CXCL3: variants seen among roughly 807,000 people sequenced by gnomAD.
The protein encoded by CXCL3 is C-X-C motif chemokine ligand 3.
CXCL3 carries 10 observed loss-of-function variants against 11.5 expected under a neutral mutation model. The ratio of observed to expected loss-of-function variants is 0.87; its 90% CI spans 0.54 to 1.48. The LOEUF (loss-of-function observed/expected upper bound fraction) is 1.48, where lower values mean the gene tolerates loss of function less well. Among genes scored for constraint, CXCL3 ranks in the 40% most tolerant of loss-of-function variants. CXCL3 has a pLI of 0.00. For synonymous variants in CXCL3, 61 were observed against 60.9 expected (o/e 1.00, Z -0.01); for missense variants, 149 against 139.1 (o/e 1.07, Z -0.36).
intron 3 of CXCL3, chr4:74,037,691 C>G: frequency 3.3e-6 from 1 of 300,270 alleles, no homozygotes; most frequent in Non-Finnish European, 6.3e-6. Context: ...GGTGTTACTG[C>G]AAAGTTTCTG....
Position 74,036,731 on chromosome 4 carries a change from C to T in CXCL3, c.*531G>A, listed in dbSNP as rs973233033. 3.9e-5 allele frequency: 6 copies of T among 152,226 alleles called. No individual in the cohort carries two copies. Among genetic ancestry groups the T allele is most frequent in the Admixed American group, 3.3e-4 (5 of 15,292 alleles). 9.4% of individuals were successfully genotyped at this position (152,226 alleles called of 1,614,324 possible). On this transcript the variant is annotated 3_prime_UTR_variant, in exon 4 of 4. Coordinates refer to ENST00000296026, the MANE Select transcript of CXCL3 (RefSeq NM_002090.3). The stretch of plus-strand genomic sequence containing the variant: ...GCCCTACAAGCAAGACATAAAATGT[C>T]TAAGGGAAACTTCAGCATAAAAATG...
intron 3 of CXCL3, 156 bp from the exon 4 acceptor site, chr4:74,037,433 T>C: frequency 1.7e-6 from 1 of 580,072 alleles, no homozygotes; most frequent in Admixed American, 3.3e-5. Flanking sequence ...AGCAGAAAAC[T>C]TGCACTCCTG....
Position 74,037,249 on chromosome 4 carries a change from T to A in CXCL3, c.*13A>T. ...GTCAATGATACGCTGATAAGCTTCT[T>A]ACTTCTCTCCTGTCAGTTGGTGCTC... On this transcript the variant is annotated 3_prime_UTR_variant, in exon 4 of 4. Transcript: ENST00000296026. The A allele has an allele frequency of 6.2e-7, 1 of 1,614,102 alleles. No homozygotes were observed. Among genetic ancestry groups the A allele is most frequent in the Non-Finnish European group, 8.5e-7 (1 of 1,179,974 alleles).
intron 3 of CXCL3, 148 bp from the exon 4 acceptor site, chr4:74,037,425 CA>C: frequency 1.6e-6 from 1 of 622,142 alleles, no homozygotes; most frequent in Non-Finnish European, 2.6e-6. Context: ...CCTTCTATAG[CA>C]GAAAACTTGC....
chr4:74,038,654 G>C lies in CXCL3; in HGVS notation c.-43C>G. On this transcript the variant is annotated 5_prime_UTR_variant, in exon 1 of 4. Transcript: ENST00000296026. Reference sequence around the variant, plus strand: ...TCGGGAAGCTGTGCGAGAAGCGGGAGAGCTGGCGGGGAGGTGCCTGCGACC... The same window carrying C: ...TCGGGAAGCTGTGCGAGAAGCGGGACAGCTGGCGGGGAGGTGCCTGCGACC... 5.1e-6 allele frequency: 7 copies of C among 1,386,008 alleles called. No homozygotes were observed. The highest frequency in any genetic ancestry group is 6.5e-6 in the Non-Finnish European group (7 of 1,077,888). The allele number at this position is 1,386,008 out of a possible 1,614,324, so 85.9% of individuals were successfully genotyped here. A position where few individuals can be genotyped will look rare whatever the true frequency, so the allele number is the denominator to read the frequency against.
At chr4:74,037,966 A>G in intron 3 of CXCL3, 127 bp downstream of exon 3, 2 of 998,838 alleles carry the variant, frequency 2.0e-6, no homozygotes, top group South Asian at 3.0e-5. Flanking sequence ...AATTGTGAAA[A>G]TAATAATCAC....
intron 3 of CXCL3, 98 bp from the exon 4 acceptor site, chr4:74,037,375 C>A: frequency 7.0e-7 from 1 of 1,434,542 alleles, no homozygotes; most frequent in South Asian, 1.2e-5. Flanking sequence ...CAGACTCTCT[C>A]CCAGCCCTCC....
Position 74,037,174 on chromosome 4 carries a change from T to A in CXCL3, c.*88A>T. The A allele has an allele frequency of 6.7e-7, 1 of 1,501,780 alleles. No homozygotes were observed. Among genetic ancestry groups the A allele is most frequent in the Non-Finnish European group, 9.2e-7 (1 of 1,084,262 alleles). The allele number at this position is 1,501,780 out of a possible 1,614,324, so 93.0% of individuals were successfully genotyped here. ...AGCTGTCCCTAGAAAGCTGCTGTTC[T>A]CTTTTTCATTTTCAGCTCTGGTAAG... is the stretch of plus-strand genomic sequence containing the variant. On this transcript the variant is annotated 3_prime_UTR_variant, in exon 4 of 4. Coordinates refer to ENST00000296026, the MANE Select transcript of CXCL3 (RefSeq NM_002090.3).
chr4:74,037,725 G>A, intron 3 of CXCL3: 1 of 306,656 alleles, frequency 3.3e-6, no homozygotes, highest in Admixed American at 5.0e-5. Context: ...AGGCTTACAG[G>A]CCCAAAGTGC....
In CXCL3 at chr4:74,037,170, G is replaced by C. The variant is rs1720010888; in HGVS notation, c.*92C>G. 6.8e-7 allele frequency: 1 copy of C among 1,459,946 alleles called. No homozygotes were observed. The highest frequency in any genetic ancestry group is 9.6e-7 in the Non-Finnish European group (1 of 1,046,872). The allele number at this position is 1,459,946 out of a possible 1,614,324, so 90.4% of individuals were successfully genotyped here. ...TTCCAGCTGTCCCTAGAAAGCTGCT[G>C]TTCTCTTTTTCATTTTCAGCTCTGG... is the stretch of plus-strand genomic sequence containing the variant. On this transcript the variant is annotated 3_prime_UTR_variant, in exon 4 of 4. Coordinates refer to ENST00000296026, the MANE Select transcript of CXCL3 (RefSeq NM_002090.3).
At chr4:74,037,852 AC>A in intron 3 of CXCL3, 1 of 486,162 alleles carries the variant, frequency 2.1e-6, no homozygotes, top group Non-Finnish European at 3.6e-6. Context: ...TATTCTAGAA[AC>A]CCACATTTAC....
At position 74,038,147 on chromosome 4, in the gene CXCL3, C is replaced by A; in HGVS notation, c.254G>T (p.Cys85Phe). 1 of 1,614,094 alleles carries A rather than the reference C, an allele frequency of 6.2e-7. No homozygotes were observed. The highest frequency in any genetic ancestry group is 8.5e-7 in the Non-Finnish European group (1 of 1,180,010). ...IATLKNGKKA[C>F]LNPASPMVQK... ...AACCATGGGGGATGCGGGGTTGAGACAAGCTTTCTTCCCATTCTTGAGTGT... is the reference window on the plus strand; with the variant it reads ...AACCATGGGGGATGCGGGGTTGAGAAAAGCTTTCTTCCCATTCTTGAGTGT... Residue 85 changes from cysteine (C) to phenylalanine (F), a missense_variant, in exon 3 of 4, where the codon TGT becomes TTT. By Grantham distance (205) the Cys-to-Phe change is radical. Transcript: ENST00000296026.
In CXCL3 at chr4:74,038,039, A is replaced by G. The variant is rs1484741731; in HGVS notation, c.308+54T>C. 4.5e-6 allele frequency: 7 copies of G among 1,570,122 alleles called. No individual in the cohort carries two copies. The African/African-American group carries it at 8.1e-5, about 18-fold the overall frequency. On this transcript the variant is annotated intron_variant, in intron 3 of 3. Transcript: ENST00000296026. ...ATTTTATTTTTAGGGGGCAGATGCCAGTATTTCTGACCAACGGCTCCAGTC... is the reference window on the plus strand; with the variant it reads ...ATTTTATTTTTAGGGGGCAGATGCCGGTATTTCTGACCAACGGCTCCAGTC...
chr4:74,038,240 G>C (rs763480618), intron 2 of CXCL3, 50 bp downstream of exon 2: 1 of 1,613,814 alleles, frequency 6.2e-7, no homozygotes, highest in African/African-American at 1.3e-5. Context: ...GGGGCAGCGG[G>C]AGAGTCGGGG....
rs535834853 is a variant in CXCL3 at position 74,037,237 on chromosome 4, T to A, written c.*25A>T. 1.9e-6 allele frequency: 3 copies of A among 1,613,938 alleles called. No homozygotes were observed. Among genetic ancestry groups the A allele is most frequent in the Non-Finnish European group, 2.5e-6 (3 of 1,179,938 alleles). On this transcript the variant is annotated 3_prime_UTR_variant, in exon 4 of 4. Coordinates refer to ENST00000296026, the MANE Select transcript of CXCL3 (RefSeq NM_002090.3). ...CCTGCAGGAAGTGTCAATGATACGC[T>A]GATAAGCTTCTTACTTCTCTCCTGT...
chr4:74,037,407 AC>A, intron 3 of CXCL3, 130 bp from the exon 4 acceptor site: 1 of 944,852 alleles, frequency 1.1e-6, no homozygotes, highest in African/African-American at 1.7e-5. Flanking sequence ...GTCTGTCTGT[AC>A]CCACTGCCTT....
rs1255137391 is a variant in CXCL3 at position 74,037,294 on chromosome 4, G to A, written c.309-17C>T. On this transcript the variant is annotated splice_polypyrimidine_tract_variant and intron_variant, in intron 3 of 3. Coordinates refer to ENST00000296026, the MANE Select transcript of CXCL3 (RefSeq NM_002090.3). ...GTGCTCCCCCTGTGATGAGAAAAGGGTTACTGTTGCAGGTGCTAAGGAAGG... is the reference window on the plus strand; with the variant it reads ...GTGCTCCCCCTGTGATGAGAAAAGGATTACTGTTGCAGGTGCTAAGGAAGG... The A allele has an allele frequency of 1.9e-6, 3 of 1,613,970 alleles. No individual in the cohort carries two copies. Among genetic ancestry groups the A allele is most frequent in the Non-Finnish European group, 2.5e-6 (3 of 1,179,926 alleles).
At chr4:74,038,238 G>A in intron 2 of CXCL3, 52 bp downstream of exon 2, 1 of 1,613,758 alleles carries the variant, frequency 6.2e-7, no homozygotes. Context: ...TTGGGGCAGC[G>A]GGAGAGTCGG....
chr4:74,037,060 G>T lies in CXCL3; in HGVS notation c.*202C>A. The T allele has an allele frequency of 1.8e-6, 1 of 546,034 alleles. No homozygotes were observed. Among genetic ancestry groups the T allele is most frequent in the Non-Finnish European group, 3.2e-6 (1 of 308,606 alleles). 33.8% of individuals were successfully genotyped at this position (546,034 alleles called of 1,614,324 possible). Reference sequence around the variant, plus strand: ...CACTCACATCTTTAAATAACAGCATGTAAAATATTAAAATACAAGCTTTCA... The same window carrying T: ...CACTCACATCTTTAAATAACAGCATTTAAAATATTAAAATACAAGCTTTCA... On this transcript the variant is annotated 3_prime_UTR_variant, in exon 4 of 4. Transcript: ENST00000296026.
Sources: gnomAD v4.1 joint callset for allele counts on GRCh38, gnomAD v4.1.1 for gene constraint, MANE v1.5 for transcripts, NCBI Gene and HGNC (gene_info 2026-07-23, HGNC 2026-07-21) for gene names.